The following RRBP1 variants were observed in gnomAD, a reference collection of about 807,000 sequenced individuals.
RRBP1 encodes the protein ribosome-binding protein 1.
Under a neutral mutation model 165.2 loss-of-function variants are expected in RRBP1, and 94 were observed. That is an observed-to-expected ratio of 0.57 (90% CI 0.48 to 0.68). RRBP1 has a LOEUF of 0.68. RRBP1 is among the 30% of genes least tolerant of loss of function. RRBP1 has a pLI of 0.00. For missense variants in RRBP1, 1,676 were observed against 1,763.0 expected, an observed-to-expected ratio of 0.95 and a Z score of 0.88; for synonymous variants, 680 against 714.5, an observed-to-expected ratio of 0.95 and a Z score of 0.77.
intron 2 of RRBP1, among the ~76,000 whole-genome samples, chr20:17,675,334 G>A (rs558332042): frequency 1.3e-5 from 2 of 152,330 alleles, no homozygotes; most frequent in African/African-American, 4.8e-5. Flanking sequence ...CTCGCAGAAC[G>A]CCAGTGCTAC....
chr20:17,656,474 G>A (rs1036909085), intron 3 of RRBP1, among the ~76,000 whole-genome samples: 2 of 151,986 alleles, frequency 1.3e-5, no homozygotes, highest in Non-Finnish European at 2.9e-5. Flanking sequence ...AGTGCTTGGC[G>A]GGTCTAAGAA....
At chr20:17,667,200 C>A (rs1039265343) in intron 2 of RRBP1, among the ~76,000 whole-genome samples, 3 of 152,198 alleles carry the variant, frequency 2.0e-5, no homozygotes, top group East Asian at 1.9e-4. Flanking sequence ...CTTTGTAGAT[C>A]TGGAAGAACT....
chr20:17,675,320 T>C (rs900025514), intron 2 of RRBP1, among the ~76,000 whole-genome samples: 5 of 152,216 alleles, frequency 3.3e-5, no homozygotes, highest in Non-Finnish European at 7.3e-5. Context: ...GGCTACATGA[T>C]ATACTCGCAG....
At chr20:17,637,812 C>G (rs1012558220) in intron 5 of RRBP1, among the ~76,000 whole-genome samples, 1 of 152,194 alleles carries the variant, frequency 6.6e-6, no homozygotes, top group Non-Finnish European at 1.5e-5. Flanking sequence ...GGGTGAGAGG[C>G]CCACAGGAAC....
intron 3 of RRBP1, among the ~76,000 whole-genome samples, chr20:17,645,679 A>G (rs1272614186): frequency 6.6e-6 from 1 of 152,268 alleles, no homozygotes; most frequent in African/African-American, 2.4e-5. Context: ...TTGCATTTAA[A>G]TAACGTACTA....
chr20:17,661,838 C>A (rs2036771790), intron 2 of RRBP1, among the ~76,000 whole-genome samples: 1 of 152,012 alleles, frequency 6.6e-6, no homozygotes, highest in Non-Finnish European at 1.5e-5. Context: ...ATTGAGATCC[C>A]CACTCCTCTT....
Position 17,660,497 on chromosome 20 carries a change from T to C in RRBP1, c.11A>G (p.Tyr4Cys). 1.9e-6 allele frequency: 3 copies of C among 1,612,766 alleles called. No individual in the cohort carries two copies. The highest frequency in any genetic ancestry group is 1.3e-5 in the African/African-American group (1 of 74,922). Residue 4 changes from tyrosine to cysteine, a missense_variant, in exon 3 of 25, where the codon TAC (tyrosine) becomes TGC (cysteine). Tyr to Cys is a radical substitution (Grantham distance 194). This residue lies in a region of RRBP1 where 392 missense variants were observed against 382.5 expected (regional missense o/e 1.02). Transcript: ENST00000377813. MDI[Y>C]DTQTLGVVVF... ...CACAACCCCCAAGGTTTGAGTGTCGTAAATATCCATCCTGGCTTGCTTTCC... is the reference window on the plus strand; with the variant it reads ...CACAACCCCCAAGGTTTGAGTGTCGCAAATATCCATCCTGGCTTGCTTTCC...
chr20:17,643,405 C>T lies in RRBP1; in HGVS notation c.1913-278G>A, dbSNP rs2036404045. On this transcript the variant is annotated intron_variant, in intron 3 of 24. Coordinates refer to ENST00000377813, the MANE Select transcript of RRBP1 (RefSeq NM_001365613.2). The surrounding 1 kb of genome is among the most constrained non-coding windows in gnomAD (Gnocchi z 4.3). ...TAGAGCTCCTCTTTTTTTTTTTCCA[C>T]CATCAAGATGGCCTGCAACAAAATT... is the stretch of plus-strand genomic sequence containing the variant. Among the ~76,000 whole-genome samples the T allele has an allele frequency of 6.6e-6, 1 of 151,742 alleles. No individual in the cohort carries two copies. The highest frequency in any genetic ancestry group is 1.5e-5 in the Non-Finnish European group (1 of 67,910).
intron 2 of RRBP1, among the ~76,000 whole-genome samples, chr20:17,671,924 C>T (rs1485696684): frequency 6.6e-6 from 1 of 152,208 alleles, no homozygotes; most frequent in Admixed American, 6.5e-5. Flanking sequence ...ACCAGAAACC[C>T]AGTGTTGTCG....
chr20:17,681,440 C>T (rs2037184948), intron 1 of RRBP1, among the ~76,000 whole-genome samples: 1 of 148,230 alleles, frequency 6.7e-6, no homozygotes, highest in South Asian at 2.1e-4. Context: ...GCCGTCCCAG[C>T]CCCGCGAAGC....
chr20:17,663,760 T>G (rs976430403), intron 2 of RRBP1, among the ~76,000 whole-genome samples: 1 of 152,140 alleles, frequency 6.6e-6, no homozygotes, highest in African/African-American at 2.4e-5. Flanking sequence ...TCCGGGAGAT[T>G]TGCTCCTGAA....
At chr20:17,619,882 G>A (rs1173663599) in intron 18 of RRBP1, 154 bp from the exon 19 acceptor site, 18 of 569,672 alleles carry the variant, frequency 3.2e-5, no homozygotes, top group Non-Finnish European at 3.1e-5. Flanking sequence ...ACTAGTCCGC[G>A]GCAAGAGAAC....
intron 3 of RRBP1, among the ~76,000 whole-genome samples, chr20:17,653,121 G>C (rs185101521): frequency 6.6e-6 from 1 of 152,338 alleles, no homozygotes; most frequent in Admixed American, 6.5e-5. Context: ...TCCAGAGAGC[G>C]CCACCGACAA....
intron 2 of RRBP1, among the ~76,000 whole-genome samples, chr20:17,667,666 C>G (rs1041329487): frequency 1.6e-4 from 25 of 152,244 alleles, no homozygotes; most frequent in African/African-American, 6.0e-4. Context: ...GAGCCCCCAT[C>G]ACACACACAT....
At chr20:17,635,476 C>T (rs147035013) in intron 7 of RRBP1, 70 bp downstream of exon 7, 24,811 of 1,178,014 alleles carry the variant, frequency 0.021, 321 homozygotes, top group Middle Eastern at 0.025. Context: ...CTGCCCTGGC[C>T]GCAGCCTCGT....
At chr20:17,614,697 GCTCGA>G (rs773656858) in intron 24 of RRBP1, 35 bp downstream of exon 24, 1 of 1,604,192 alleles carries the variant, frequency 6.2e-7, no homozygotes, top group South Asian at 1.1e-5. Flanking sequence ...GCTCCCGGCA[GCTCGA>G]CTCCTCCCGC....
chr20:17,660,416 A>G lies in RRBP1; in HGVS notation c.92T>C (p.Phe31Ser), dbSNP rs1005803629. ...SAIGIFLVST[F>S]SMKETSYEEA... ...TTCATATGACGTTTCCTTCATGGAG[A>G]AAGTCGACACCAGGAAGATGCCAAT... is the stretch of plus-strand genomic sequence containing the variant. The change falls in exon 3 of 25, where the codon TTC (phenylalanine) becomes TCC (serine). Residue 31 changes from phenylalanine to serine, a missense_variant. Around this residue, in one of 5 missense-constraint regions of RRBP1, gnomAD observed 392 missense variants for 382.5 expected, o/e 1.02. Coordinates refer to ENST00000377813, the MANE Select transcript of RRBP1 (RefSeq NM_001365613.2). The G allele has an allele frequency of 3.1e-6, 5 of 1,613,944 alleles. No homozygotes were observed. The highest frequency in any genetic ancestry group is 1.3e-5 in the African/African-American group (1 of 74,888).
chr20:17,659,471 T>C lies in RRBP1; in HGVS notation c.1037A>G (p.Gln346Arg), dbSNP rs112722029. 1 of 1,438,344 alleles carries C rather than the reference T, an allele frequency of 7.0e-7. No individual in the cohort carries two copies. Among genetic ancestry groups the C allele is most frequent in the Non-Finnish European group, 9.4e-7 (1 of 1,061,726 alleles). The allele number at this position is 1,438,344 out of a possible 1,614,324, so 89.1% of individuals were successfully genotyped here. Reference protein sequence around the residue: ...QNQGKKAEGAQNQGKKAEGAQ... With the variant: ...QNQGKKAEGARNQGKKAEGAQ... ...CCCCTCGGCCTTCTTGCCCTGATTC[T>C]GGGCCCCCTCGGCCTTCTTGCCCTG... is the stretch of plus-strand genomic sequence containing the variant. The change falls in exon 3 of 25, where the codon CAG (glutamine) becomes CGG (arginine). Residue 346 changes from glutamine (Q) to arginine (R), a missense_variant. Coordinates refer to ENST00000377813, the MANE Select transcript of RRBP1 (RefSeq NM_001365613.2).
chr20:17,674,920 C>T (rs1305533576), intron 2 of RRBP1, among the ~76,000 whole-genome samples: 1 of 152,212 alleles, frequency 6.6e-6, no homozygotes, highest in Non-Finnish European at 1.5e-5. Context: ...CTCTGCAAGG[C>T]CCACCTCACA....
Sources: gnomAD v4.1 joint callset for allele counts (sites outside exome capture counted in the v4.1 genomes callset) on GRCh38, gnomAD v4.1.1 for gene constraint, gnomAD v4.1.1 regional missense constraint, Gnocchi (gnomAD v3.1) non-coding constraint, MANE v1.5 for transcripts, NCBI Gene and HGNC (gene_info 2026-07-23, HGNC 2026-07-21) for gene names.